Variants in PLIN5 observed in about 807,000 individuals in gnomAD.
The protein encoded by PLIN5 is perilipin-5.
Under a neutral mutation model 32.8 loss-of-function variants are expected in PLIN5, and 34 were observed. The ratio of observed to expected loss-of-function variants is 1.04; its 90% CI spans 0.79 to 1.38. The LOEUF (loss-of-function observed/expected upper bound fraction) is 1.38. PLIN5 is among the 40% of genes most tolerant of loss of function. The pLI is 0.00. For missense variants in PLIN5, 712 were observed against 660.5 expected, an observed-to-expected ratio of 1.08 and a Z score of -0.85; for synonymous variants, 309 against 292.9, an observed-to-expected ratio of 1.05 and a Z score of -0.56.
At chr19:4,529,401 C>T in intron 4 of PLIN5, 148 bp from the exon 5 acceptor site, 1 of 831,064 alleles carries the variant, frequency 1.2e-6, no homozygotes, top group South Asian at 1.8e-5. Context: ...GTGATAAAAC[C>T]CTTCCCTCAC....
intron 5 of PLIN5, 115 bp downstream of exon 5, chr19:4,528,958 T>C: frequency 8.5e-7 from 1 of 1,175,814 alleles, no homozygotes; most frequent in Non-Finnish European, 1.2e-6. Flanking sequence ...GAGTTGTATG[T>C]TTCCTGCTGA....
At chr19:4,533,882 CAA>C in intron 2 of PLIN5, 131 bp downstream of exon 2, 2 of 1,086,956 alleles carry the variant, frequency 1.8e-6, no homozygotes, top group Non-Finnish European at 2.7e-6. Flanking sequence ...CTCCATGGAC[CAA>C]AATATTTTAT....
rs373516012 is a variant in PLIN5 at position 4,531,688 on chromosome 19, G to A, written c.195C>T (p.Cys65=). 3.2e-5 allele frequency: 50 copies of A among 1,555,256 alleles called. No homozygotes were observed. Among genetic ancestry groups the A allele is most frequent in the East Asian group, 1.7e-4 (7 of 41,506 alleles). Residue 65 remains cysteine (C), a synonymous_variant, in exon 3 of 8, where the codon TGC becomes TGT. Transcript: ENST00000381848. ...SACRLAENCV[C]GLTTRALDHA... ...GGTCCAGGGCACGGGTGGTCAGGCC[G>A]CACACGCAGTTCTCAGCCAGGCGGC... is the stretch of plus-strand genomic sequence containing the variant.
At chr19:4,531,877 A>G in intron 2 of PLIN5, 55 bp from the exon 3 acceptor site, 2 of 1,434,880 alleles carry the variant, frequency 1.4e-6, no homozygotes, top group Non-Finnish European at 1.8e-6. Flanking sequence ...CCCTAGCCAC[A>G]CCTCAACCTA....
intron 1 of PLIN5, 139 bp from the exon 2 acceptor site, chr19:4,534,234 C>T (rs935690052): frequency 8.7e-6 from 6 of 691,170 alleles, no homozygotes; most frequent in Non-Finnish European, 1.5e-5. Flanking sequence ...CTGTGGAGCT[C>T]AGACAATGCA....
Position 4,523,827 on chromosome 19 carries a change from C to G in PLIN5, c.1093G>C (p.Val365Leu), listed in dbSNP as rs918374455. ...HACVDELLEL[V>L]VQAVPLPWLV... The stretch of plus-strand genomic sequence containing the variant: ...CAGGGCAGCGGCACGGCCTGCACCA[C>G]CAGCTCCAGCAGCTCGTCCACGCAG... The change falls in exon 8 of 8, where the codon GTG becomes CTG. Residue 365 changes from valine (V) to leucine (L), a missense_variant. Physicochemically the swap from Val to Leu is conservative, Grantham distance 32. Transcript: ENST00000381848. The surrounding 1 kb of genome is among the most constrained non-coding windows in gnomAD (Gnocchi z 5.0). 2 of 1,590,934 alleles carry G rather than the reference C, an allele frequency of 1.3e-6. No homozygotes were observed. The highest frequency in any genetic ancestry group is 1.7e-5 in the Admixed American group (1 of 59,132).
intron 2 of PLIN5, chr19:4,532,834 A>AATTTT (rs1026698362): frequency 1.3e-5 from 2 of 152,000 alleles, no homozygotes; most frequent in Non-Finnish European, 2.9e-5. Context: ...GTGCCCAGCT[A>AATTTT]ATTTTATTTT....
Position 4,529,829 on chromosome 19 carries a change from G to A in PLIN5, c.294C>T (p.Asp98=). 3.1e-6 allele frequency: 5 copies of A among 1,611,404 alleles called. No individual in the cohort carries two copies. The highest frequency in any genetic ancestry group is 4.2e-6 in the Non-Finnish European group (5 of 1,178,140). Residue 98 remains aspartate, a synonymous_variant, in exon 4 of 8, where the codon GAC becomes GAT. Coordinates refer to ENST00000381848, the MANE Select transcript of PLIN5 (RefSeq NM_001013706.3). The part of the protein sequence containing the change: ...TMNSLACRGL[D]KLEEKLPFLQ... ...GAAAGGGAAGCTTCTCTTCCAGCTT[G>A]TCCAGGCCCCTGCAGGCGAGGCTGT...
intron 5 of PLIN5, 42 bp downstream of exon 5, chr19:4,529,031 G>C (rs748507884): frequency 1.5e-5 from 24 of 1,586,172 alleles, no homozygotes; most frequent in African/African-American, 2.7e-5. Context: ...GGATGGGGAC[G>C]GGGCAGGACT....
chr19:4,534,108 A>G lies in PLIN5; in HGVS notation c.-21-13T>C. On this transcript the variant is annotated splice_polypyrimidine_tract_variant and intron_variant, in intron 1 of 7. Transcript: ENST00000381848. ...AAACAGGGTCACCCTGCGGGGCAGG[A>G]TTGAGTAAGGGGAGCACCTGCCCAG... 1.3e-6 allele frequency: 2 copies of G among 1,599,878 alleles called. No homozygotes were observed. The highest frequency in any genetic ancestry group is 2.3e-5 in the South Asian group (2 of 88,868).
chr19:4,534,247 TC>T, intron 1 of PLIN5, 152 bp from the exon 2 acceptor site: 1 of 662,718 alleles, frequency 1.5e-6, no homozygotes, highest in Non-Finnish European at 2.7e-6. Context: ...ACAATGCATG[TC>T]CAGAGCTCTG....
At chr19:4,528,795 T>G (rs1403038173) in intron 5 of PLIN5, 6 of 350,822 alleles carry the variant, frequency 1.7e-5, no homozygotes, top group Admixed American at 1.4e-4. Context: ...TGAAAATATT[T>G]AAAACACGCT....
chr19:4,526,968 G>A (rs1040205817), intron 5 of PLIN5, among the ~76,000 whole-genome samples: 17 of 149,992 alleles, frequency 1.1e-4, no homozygotes, highest in African/African-American at 2.5e-4. Flanking sequence ...CAGGCACAGC[G>A]GCTCACGCCT....
Position 4,531,790 on chromosome 19 carries a change from C to A in PLIN5, c.93G>T (p.Leu31=). The A allele has an allele frequency of 6.3e-7, 1 of 1,581,614 alleles. No individual in the cohort carries two copies. Reference sequence around the variant, plus strand: ...AGACCGCGGTGCACGTGGCCCTGACCAGGGGCAGAGCCACCACACGCTGCA... The same window carrying A: ...AGACCGCGGTGCACGTGGCCCTGACAAGGGGCAGAGCCACCACACGCTGCA... ...NVVQRVVALP[L]VRATCTAVCD... Residue 31 remains leucine (L), a synonymous_variant, in exon 3 of 8, where the codon CTG becomes CTT. Coordinates refer to ENST00000381848, the MANE Select transcript of PLIN5 (RefSeq NM_001013706.3).
chr19:4,529,936 T>A (rs990584522), intron 3 of PLIN5, 70 bp from the exon 4 acceptor site: 5 of 958,488 alleles, frequency 5.2e-6, no homozygotes, highest in Non-Finnish European at 7.8e-6. Context: ...GTGAGAGTTG[T>A]AGAAGGAGGG....
intron 5 of PLIN5, among the ~76,000 whole-genome samples, chr19:4,526,684 TA>T (rs1392677883): frequency 6.6e-6 from 1 of 151,428 alleles, no homozygotes; most frequent in East Asian, 2.0e-4. Flanking sequence ...ACCCTGTCTC[TA>T]AAAAAGAAAT....
intron 3 of PLIN5, among the ~76,000 whole-genome samples, chr19:4,530,972 C>T (rs961683129): frequency 6.6e-6 from 1 of 151,338 alleles, no homozygotes; most frequent in African/African-American, 2.4e-5. Context: ...GCCACCGCAC[C>T]TATCAGGGGA....
intron 2 of PLIN5, 134 bp from the exon 3 acceptor site, chr19:4,531,956 T>C (rs933791491): frequency 1.2e-6 from 1 of 865,586 alleles, no homozygotes; most frequent in Admixed American, 3.5e-5. Flanking sequence ...CCCCGCCACG[T>C]AGAGGCAGTG....
At position 4,523,523 on chromosome 19, in the gene PLIN5, A is replaced by G; in HGVS notation, c.*5T>C. On this transcript the variant is annotated 3_prime_UTR_variant, in exon 8 of 8. Coordinates refer to ENST00000381848, the MANE Select transcript of PLIN5 (RefSeq NM_001013706.3). The surrounding 1 kb of genome is among the most constrained non-coding windows in gnomAD (Gnocchi z 5.0). ...CTTTCCTCCCCGCCTCCACTGGCCC[A>G]TGGGTCAGAAGTCCAGCTCGGGCAT... 1.6e-5 allele frequency: 24 copies of G among 1,543,718 alleles called. No homozygotes were observed. The highest frequency in any genetic ancestry group is 1.8e-5 in the Non-Finnish European group (20 of 1,141,626).
Sources: allele counts gnomAD v4.1 joint callset (sites outside exome capture counted in the v4.1 genomes callset), GRCh38; gene constraint gnomAD v4.1.1; non-coding constraint Gnocchi (gnomAD v3.1); transcripts MANE v1.5; gene names NCBI Gene and HGNC (gene_info 2026-07-23, HGNC 2026-07-21).